Variants in NEK1 observed in about 807,000 individuals in gnomAD.
NEK1 encodes the protein NIMA related kinase 1.
A neutral mutation model predicts 182.1 loss-of-function variants in NEK1; 137 were observed. The observed-to-expected ratio is 0.75, with a 90% CI of 0.65 to 0.87. The LOEUF is 0.87. Ranked by LOEUF, NEK1 falls within the 40% of genes least tolerant of loss-of-function variation. The pLI is 0.00. For missense variants in NEK1, 1,391 were observed against 1,494.4 expected, an observed-to-expected ratio of 0.93 and a Z score of 1.14; for synonymous variants, 513 against 492.2, an observed-to-expected ratio of 1.04 and a Z score of -0.56.
chr4:169,599,246 G>C (rs776905556), intron 4 of NEK1, 49 bp from the exon 5 acceptor site: 2 of 1,355,158 alleles, frequency 1.5e-6, no homozygotes, highest in Non-Finnish European at 1.0e-6. Flanking sequence ...TACATCAAAA[G>C]CATGGCTAAA....
At chr4:169,491,682 T>G (rs1750123045) in intron 23 of NEK1, among the ~76,000 whole-genome samples, 1 of 152,138 alleles carries the variant, frequency 6.6e-6, no homozygotes, top group African/African-American at 2.4e-5. Flanking sequence ...TAAAACTCAC[T>G]GGTAGAGAGG....
intron 23 of NEK1, among the ~76,000 whole-genome samples, chr4:169,495,232 T>C (rs1481954685): frequency 1.0e-4 from 15 of 144,556 alleles, no homozygotes; most frequent in African/African-American, 4.1e-4. Flanking sequence ...AGGTCTAACA[T>C]TTAAGTCTTT....
intron 27 of NEK1, among the ~76,000 whole-genome samples, chr4:169,441,986 C>T (rs1262144301): frequency 6.6e-6 from 1 of 152,112 alleles, no homozygotes; most frequent in African/African-American, 2.4e-5. Context: ...CCACTGCCAC[C>T]ATCCACCTGC....
At chr4:169,546,761 G>C (rs1227876289) in intron 18 of NEK1, among the ~76,000 whole-genome samples, 1 of 152,270 alleles carries the variant, frequency 6.6e-6, no homozygotes, top group South Asian at 2.1e-4. Context: ...ATCTTTGTTG[G>C]TTTAAAGTCT....
intron 23 of NEK1, among the ~76,000 whole-genome samples, chr4:169,494,793 A>C (rs1337354032): frequency 6.6e-6 from 1 of 152,146 alleles, no homozygotes; most frequent in Non-Finnish European, 1.5e-5. Flanking sequence ...TGCCATTCTA[A>C]CTGGTGTGAG....
At position 169,394,211 on chromosome 4, in the gene NEK1, T is replaced by A. The variant is rs376535952; in HGVS notation, c.*299A>T. ...CAAAGTTACCCTATTGCATAGTAAATCTTCAAAACCATTAAGTCAGGTTCT... is the reference window on the plus strand; with the variant it reads ...CAAAGTTACCCTATTGCATAGTAAAACTTCAAAACCATTAAGTCAGGTTCT... On this transcript the variant is annotated 3_prime_UTR_variant, in exon 36 of 36. Transcript: ENST00000507142. 1.2e-5 allele frequency: 3 copies of A among 253,704 alleles called. No homozygotes were observed. Among genetic ancestry groups the A allele is most frequent in the East Asian group, 2.0e-4 (2 of 9,918 alleles). The allele number at this position is 253,704 out of a possible 1,614,324, so 15.7% of individuals were successfully genotyped here.
At chr4:169,581,201 T>TA (rs1212483366) in intron 10 of NEK1, among the ~76,000 whole-genome samples, 12 of 151,108 alleles carry the variant, frequency 7.9e-5, no homozygotes, top group South Asian at 6.3e-4. Flanking sequence ...TTAAGAAAAA[T>TA]AAAAAAAAAT....
intron 29 of NEK1, among the ~76,000 whole-genome samples, chr4:169,428,372 A>ATATATATATATATATATATATATATATAT (rs1554029052): frequency 6.9e-6 from 1 of 144,674 alleles, no homozygotes. Context: ...ATATATATAT[A>ATATATATATATATATATATATATATATAT]ATGGAATATT....
chr4:169,495,349 T>C (rs1294341679), intron 23 of NEK1, among the ~76,000 whole-genome samples: 3 of 148,012 alleles, frequency 2.0e-5, no homozygotes, highest in Non-Finnish European at 4.5e-5. Context: ...GTTCACGCCA[T>C]TCTCCTGCCT....
At chr4:169,536,376 G>A (rs886879984) in intron 19 of NEK1, among the ~76,000 whole-genome samples, 3 of 150,516 alleles carry the variant, frequency 2.0e-5, no homozygotes, top group African/African-American at 7.3e-5. Flanking sequence ...TTAAAGTAGA[G>A]AAAAAAGATA....
At position 169,463,314 on chromosome 4, in the gene NEK1, A is replaced by G; in HGVS notation, c.2516T>C (p.Val839Ala). 1 of 1,609,924 alleles carries G rather than the reference A, an allele frequency of 6.2e-7. No individual in the cohort carries two copies. The highest frequency in any genetic ancestry group is 8.5e-7 in the Non-Finnish European group (1 of 1,177,546). The change falls in exon 27 of 36, where the codon GTT becomes GCT. Residue 839 changes from valine to alanine, a missense_variant. Around this residue, in one of 5 missense-constraint regions of NEK1, gnomAD observed 1,216 missense variants for 1,277.6 expected, o/e 0.95. Transcript: ENST00000507142. ...TTCAGCTTCTCCAAGTATCTTTAGA[A>G]CAGAATCTGTCGGACTTTTCCCCCA... ...RAWGKSPTDS[V>A]LKILGEAELQ...
chr4:169,502,918 A>C (rs1487110700), intron 23 of NEK1, among the ~76,000 whole-genome samples: 2 of 152,134 alleles, frequency 1.3e-5, no homozygotes, highest in African/African-American at 4.8e-5. Context: ...AGACATCCAA[A>C]TAGGAAAAGA....
At chr4:169,451,528 G>A (rs548118611) in intron 27 of NEK1, among the ~76,000 whole-genome samples, 68 of 152,290 alleles carry the variant, frequency 4.5e-4, no homozygotes, top group Middle Eastern at 3.4e-3. Context: ...ACTTGCTCCT[G>A]AATGACTACT....
rs372573493 is a variant in NEK1 at position 169,567,567 on chromosome 4, T to C, written c.1021-5371A>G. On this transcript the variant is annotated intron_variant, in intron 12 of 35. Transcript: ENST00000507142. ...AGCACATGTCACCATGCCTGGTTAA[T>C]TTTTGTATTTTTACTAGAGACGGGG... Among the ~76,000 whole-genome samples, 11 of 152,262 alleles carry C rather than the reference T, an allele frequency of 7.2e-5. 1 individual carries two copies. Among genetic ancestry groups the C allele is most frequent in the African/African-American group, 2.6e-4 (11 of 41,558 alleles).
At chr4:169,513,389 T>C (rs1179637391) in intron 19 of NEK1, among the ~76,000 whole-genome samples, 1 of 151,326 alleles carries the variant, frequency 6.6e-6, no homozygotes, top group Non-Finnish European at 1.5e-5. Context: ...GCTGTCAATA[T>C]ATATAAATTC....
At chr4:169,606,557 G>C (rs1045395003) in intron 2 of NEK1, among the ~76,000 whole-genome samples, 3 of 152,140 alleles carry the variant, frequency 2.0e-5, no homozygotes, top group African/African-American at 7.2e-5. Flanking sequence ...CAGGATTGGT[G>C]AAGAGCTTGT....
Position 169,438,341 on chromosome 4 carries a change from A to G in NEK1, c.2588-82T>C. 2.8e-6 allele frequency: 3 copies of G among 1,073,266 alleles called. No individual in the cohort carries two copies. In the South Asian group the frequency reaches 5.2e-5, roughly 19 times the overall value. 66.5% of individuals were successfully genotyped at this position (1,073,266 alleles called of 1,614,324 possible). A position where few individuals can be genotyped will look rare whatever the true frequency, so the allele number is the denominator to read the frequency against. On this transcript the variant is annotated intron_variant, in intron 27 of 35. Coordinates refer to ENST00000507142, the MANE Select transcript of NEK1 (RefSeq NM_001199397.3). ...GTAATGGCATTGGGGGCAAAGTTCA[A>G]AAAGCTGCATTACTGCAACAGGCAA...
Position 169,599,167 on chromosome 4 carries a change from T to C in NEK1, c.245A>G (p.Tyr82Cys), listed in dbSNP as rs780748559. ...ENGSLYIVMD[Y>C]CEGGDLFKRI... ...CTTAAACAGATCCCCTCCCTCACAG[T>C]AATCCATTACTATGTAGAGAGAGCC... The change falls in exon 5 of 36, where the codon TAC becomes TGC. Residue 82 changes from tyrosine to cysteine, a missense_variant. Tyr to Cys is a radical substitution (Grantham distance 194). Transcript: ENST00000507142. 3 of 1,613,190 alleles carry C rather than the reference T, an allele frequency of 1.9e-6. No homozygotes were observed. The highest frequency in any genetic ancestry group is 1.7e-6 in the Non-Finnish European group (2 of 1,179,500).
chr4:169,576,014 A>T (rs562702532), intron 12 of NEK1, among the ~76,000 whole-genome samples: 4 of 150,464 alleles, frequency 2.7e-5, no homozygotes, highest in African/African-American at 9.8e-5. Flanking sequence ...CCCAGGCTGT[A>T]GTGCAGTGGC....
Sources: gnomAD v4.1 joint callset for allele counts (sites outside exome capture counted in the v4.1 genomes callset) on GRCh38, gnomAD v4.1.1 for gene constraint, gnomAD v4.1.1 regional missense constraint, MANE v1.5 for transcripts, NCBI Gene and HGNC (gene_info 2026-07-23, HGNC 2026-07-21) for gene names.